Variants in DPP8 observed in about 807,000 individuals in gnomAD.
DPP8 encodes the protein DPP VIII.
DPP8 carries 31 observed loss-of-function variants against 107.5 expected under a neutral mutation model. That is an observed-to-expected ratio of 0.29 (90% CI 0.22 to 0.39). The LOEUF (loss-of-function observed/expected upper bound fraction) is 0.39. DPP8 is among the 10% of genes least tolerant of loss of function. DPP8 has a pLI of 1.00. For synonymous variants in DPP8, 381 were observed against 356.6 expected (o/e 1.07, Z -0.77); for missense variants, 842 against 1,076.1 (o/e 0.78, Z 3.04).
In DPP8 at chr15:65,473,101, A is replaced by G. The variant is rs576083881; in HGVS notation, c.1536+1108T>C. On this transcript the variant is annotated intron_variant, in intron 12 of 19. Coordinates refer to ENST00000300141, the MANE Select transcript of DPP8 (RefSeq NM_130434.5). ...CACACCTGGGAGGTGGCAAGGTGGGAGGATCCTTCAAGCCTAGGAATTCAA... is the reference window on the plus strand; with the variant it reads ...CACACCTGGGAGGTGGCAAGGTGGGGGGATCCTTCAAGCCTAGGAATTCAA... Among the ~76,000 whole-genome samples, 3 of 151,878 alleles carry G rather than the reference A, an allele frequency of 2.0e-5. No individual in the cohort carries two copies. In the East Asian group the frequency reaches 5.8e-4, roughly 30 times the overall value.
At chr15:65,470,824 CAGG>C (rs1567182999) in intron 12 of DPP8, among the ~76,000 whole-genome samples, 1 of 150,980 alleles carries the variant, frequency 6.6e-6, no homozygotes, top group Non-Finnish European at 1.5e-5. Context: ...GAGGCTGAAA[CAGG>C]AGAACTGCTT....
At chr15:65,485,923 A>G (rs1337922823) in intron 7 of DPP8, among the ~76,000 whole-genome samples, 2 of 148,312 alleles carry the variant, frequency 1.3e-5, no homozygotes, top group East Asian at 2.1e-4. Flanking sequence ...GTGAAACCCC[A>G]TCTCTACTAA....
At chr15:65,513,897 A>C (rs902804519) in intron 1 of DPP8, among the ~76,000 whole-genome samples, 15 of 152,248 alleles carry the variant, frequency 9.9e-5, no homozygotes, top group Non-Finnish European at 2.1e-4. Flanking sequence ...AAGAAGGAAC[A>C]TAAAAATTCT....
chr15:65,483,592 A>ATAACATAACATAACATAAC (rs1567219235), intron 8 of DPP8, among the ~76,000 whole-genome samples: 4 of 60,792 alleles, frequency 6.6e-5, no homozygotes, highest in African/African-American at 4.0e-4. Context: ...CAAACAATAA[A>ATAACATAACATAACATAAC]ATAAAATAAA....
chr15:65,500,944 C>G (rs1038303913), intron 3 of DPP8, among the ~76,000 whole-genome samples, 165 bp from the exon 4 acceptor site: 1 of 137,862 alleles, frequency 7.3e-6, no homozygotes, highest in Non-Finnish European at 1.5e-5. Context: ...GTGGAGCGAT[C>G]TTGGCTCACT....
chr15:65,516,939 G>A (rs1427675481), intron 1 of DPP8: 3 of 152,830 alleles, frequency 2.0e-5, no homozygotes, highest in East Asian at 1.9e-4. Flanking sequence ...TGAGAAGACA[G>A]GTGTGGCAGG....
chr15:65,486,270 C>A (rs1452807532), intron 7 of DPP8, among the ~76,000 whole-genome samples: 1 of 151,108 alleles, frequency 6.6e-6, no homozygotes, highest in Admixed American at 6.6e-5. Context: ...GGTGTGGCGG[C>A]GGGCGCCTGT....
In DPP8 at chr15:65,443,218, A is replaced by G. The variant is rs1423995902; in HGVS notation, c.*3666T>C. 6.6e-6 allele frequency: 1 copy of G among 152,172 alleles called. No homozygotes were observed. Among genetic ancestry groups the G allele is most frequent in the African/African-American group, 2.4e-5 (1 of 41,440 alleles). 9.4% of individuals were successfully genotyped at this position (152,172 alleles called of 1,614,324 possible). On this transcript the variant is annotated 3_prime_UTR_variant, in exon 20 of 20. Coordinates refer to ENST00000300141, the MANE Select transcript of DPP8 (RefSeq NM_130434.5). ...TAAAAATTTACCTTTTCTATATATC[A>G]TTTAACTACCATGAGGCAGGACACC...
chr15:65,517,304 G>A (rs77021556), intron 1 of DPP8, 182 bp downstream of exon 1: 3,050 of 152,482 alleles, frequency 0.02, 55 homozygotes, highest in Middle Eastern at 0.092. Flanking sequence ...CCGGCAAGTG[G>A]GGGGGAGGGG....
chr15:65,458,054 TTGTC>T (rs1175294689), intron 15 of DPP8, among the ~76,000 whole-genome samples: 1 of 152,188 alleles, frequency 6.6e-6, no homozygotes, highest in Admixed American at 6.6e-5. Flanking sequence ...CCTCACTTCT[TTGTC>T]TGCTACCATG....
At chr15:65,457,378 T>C (rs2064522620) in intron 15 of DPP8, among the ~76,000 whole-genome samples, 1 of 151,658 alleles carries the variant, frequency 6.6e-6, no homozygotes, top group Non-Finnish European at 1.5e-5. Flanking sequence ...AAAAAAGTCA[T>C]ACTTTTTTTT....
chr15:65,480,352 A>G lies in DPP8; in HGVS notation c.1166T>C (p.Val389Ala). ...LDRSQTRLQI[V>A]LISPELFIPV... The stretch of plus-strand genomic sequence containing the variant: ...GATAAATAATTCAGGTGAGATCAAC[A>G]CTATCTGTAGGCGAGTCTGGGAGCG... Residue 389 changes from valine to alanine, a missense_variant, in exon 10 of 20, where the codon GTG becomes GCG. Around this residue, in one of 2 missense-constraint regions of DPP8, gnomAD observed 663 missense variants for 758.0 expected, o/e 0.87. Coordinates refer to ENST00000300141, the MANE Select transcript of DPP8 (RefSeq NM_130434.5). The G allele has an allele frequency of 1.2e-6, 2 of 1,613,748 alleles. No homozygotes were observed. Among genetic ancestry groups the G allele is most frequent in the East Asian group, 2.2e-5 (1 of 44,868 alleles).
At chr15:65,447,510 T>C (rs2063562808) in intron 19 of DPP8, among the ~76,000 whole-genome samples, 1 of 152,196 alleles carries the variant, frequency 6.6e-6, no homozygotes, top group Non-Finnish European at 1.5e-5. Context: ...CAGTAAAAAT[T>C]AGAATTTATT....
At position 65,497,905 on chromosome 15, in the gene DPP8, A is replaced by G. The variant is rs766819453; in HGVS notation, c.674T>C (p.Ile225Thr). The G allele has an allele frequency of 2.0e-5, 32 of 1,591,940 alleles. No homozygotes were observed. The highest frequency in any genetic ancestry group is 2.3e-5 in the Non-Finnish European group (27 of 1,166,272). ...IHSNDIWISNIVTREERRLTY... is the reference protein window; with the variant it reads ...IHSNDIWISNTVTREERRLTY... Reference sequence around the variant, plus strand: ...GAGTCTCCTTTCTTCTCTGGTTACGATGTTAGATATCCAAATATCGTTGCT... The same window carrying G: ...GAGTCTCCTTTCTTCTCTGGTTACGGTGTTAGATATCCAAATATCGTTGCT... The change falls in exon 5 of 20, where the codon ATC becomes ACC. Residue 225 changes from isoleucine to threonine, a missense_variant. Ile to Thr is a moderately conservative substitution (Grantham distance 89, BLOSUM62 -1). Around this residue, in one of 2 missense-constraint regions of DPP8, gnomAD observed 663 missense variants for 758.0 expected, o/e 0.87. Transcript: ENST00000300141.
intron 8 of DPP8, among the ~76,000 whole-genome samples, chr15:65,483,992 A>C (rs1395199491): frequency 1.3e-5 from 2 of 152,194 alleles, no homozygotes; most frequent in Non-Finnish European, 2.9e-5. Flanking sequence ...CACTTATATG[A>C]AATGTCCAGA....
At chr15:65,489,058 T>G (rs2067730611) in intron 6 of DPP8, among the ~76,000 whole-genome samples, 1 of 152,188 alleles carries the variant, frequency 6.6e-6, no homozygotes, top group South Asian at 2.1e-4. Flanking sequence ...CCTCCCGGGT[T>G]CAATTGATTC....
intron 15 of DPP8, among the ~76,000 whole-genome samples, chr15:65,457,310 C>T (rs1407389486): frequency 6.6e-6 from 1 of 152,086 alleles, no homozygotes; most frequent in Non-Finnish European, 1.5e-5. Flanking sequence ...GAGCAAAGAT[C>T]ACACCACTGC....
chr15:65,469,741 C>T (rs1019504164), intron 12 of DPP8, among the ~76,000 whole-genome samples: 4 of 151,084 alleles, frequency 2.6e-5, no homozygotes, highest in African/African-American at 9.7e-5. Flanking sequence ...GAGGCTGAGG[C>T]ATAAGAATCC....
chr15:65,501,774 C>T (rs2141005178), intron 3 of DPP8, among the ~76,000 whole-genome samples: 1 of 152,324 alleles, frequency 6.6e-6, no homozygotes, highest in Middle Eastern at 3.4e-3. Flanking sequence ...TACCCCTCTT[C>T]CCTGGACTCT....
Sources: allele counts gnomAD v4.1 joint callset (sites outside exome capture counted in the v4.1 genomes callset), GRCh38; gene constraint gnomAD v4.1.1; regional missense constraint gnomAD v4.1.1; transcripts MANE v1.5; gene names NCBI Gene and HGNC (gene_info 2026-07-23, HGNC 2026-07-21).